BIRC6: variants seen among roughly 807,000 people sequenced by gnomAD.
BIRC6 encodes the protein dual E2 ubiquitin-conjugating enzyme/E3 ubiquitin-protein ligase BIRC6.
In BIRC6, 98 loss-of-function variants were observed where a neutral mutation model predicts 503.3. The observed-to-expected ratio is 0.19, with a 90% CI of 0.17 to 0.23. BIRC6 has a LOEUF of 0.23. BIRC6 is among the 10% of genes least tolerant of loss of function. The pLI is 1.00. For missense variants in BIRC6, 5,360 were observed against 5,806.0 expected, an observed-to-expected ratio of 0.92 and a Z score of 2.50; for synonymous variants, 2,240 against 2,078.7, an observed-to-expected ratio of 1.08 and a Z score of -2.11.
chr2:32,510,774 C>G (rs749979644), intron 53 of BIRC6, 140 bp downstream of exon 53: 1 of 582,424 alleles, frequency 1.7e-6, no homozygotes, highest in Non-Finnish European at 3.0e-6. Context: ...ATGCCTCACA[C>G]GATGTAACTT....
At chr2:32,589,388 A>C (rs1220296336) in intron 66 of BIRC6, among the ~76,000 whole-genome samples, 1 of 152,166 alleles carries the variant, frequency 6.6e-6, no homozygotes, top group Non-Finnish European at 1.5e-5. Flanking sequence ...ATACCTAAGC[A>C]ATGGGAGATC....
chr2:32,596,784 C>T (rs997933865), intron 68 of BIRC6, among the ~76,000 whole-genome samples: 7 of 152,164 alleles, frequency 4.6e-5, no homozygotes, highest in Non-Finnish European at 8.8e-5. Flanking sequence ...TACTTGAAGG[C>T]GTTTAGTCAT....
intron 52 of BIRC6, among the ~76,000 whole-genome samples, 182 bp downstream of exon 52, chr2:32,510,176 T>C (rs1252285636): frequency 6.6e-6 from 1 of 152,210 alleles, no homozygotes; most frequent in Non-Finnish European, 1.5e-5. Flanking sequence ...AGTGGCGCAA[T>C]CTTGGCTCAC....
At chr2:32,490,733 T>G (rs2051602048) in intron 43 of BIRC6, among the ~76,000 whole-genome samples, 1 of 152,230 alleles carries the variant, frequency 6.6e-6, no homozygotes, top group Non-Finnish European at 1.5e-5. Flanking sequence ...ACATTTCATC[T>G]AAGTTTTTAT....
At chr2:32,567,544 C>T (rs1362435844) in intron 65 of BIRC6, among the ~76,000 whole-genome samples, 4 of 152,162 alleles carry the variant, frequency 2.6e-5, no homozygotes, top group Non-Finnish European at 4.4e-5. Flanking sequence ...ATTTAGATAG[C>T]GTGTGGCCAG....
chr2:32,451,465 A>G (rs2046721980), intron 22 of BIRC6, among the ~76,000 whole-genome samples: 1 of 152,236 alleles, frequency 6.6e-6, no homozygotes, highest in Admixed American at 6.5e-5. Flanking sequence ...GTGAAAAAGC[A>G]TGGTGTTATT....
rs909350937 is a variant in BIRC6 at position 32,357,541 on chromosome 2, C to T, written c.325+55C>T. On this transcript the variant is annotated intron_variant, in intron 1 of 73. Coordinates refer to ENST00000421745, the MANE Select transcript of BIRC6 (RefSeq NM_016252.4). The surrounding 1 kb of genome is among the most constrained non-coding windows in gnomAD (Gnocchi z 4.9). ...AAGCCGGGGAAAGAAGCCGTCCAGC[C>T]CCGGGGCTCGGCCTCGCGACTCGGG... The T allele has an allele frequency of 2.0e-6, 3 of 1,513,716 alleles. No homozygotes were observed. Among genetic ancestry groups the T allele is most frequent in the African/African-American group, 2.9e-5 (2 of 69,180 alleles). 93.8% of individuals were successfully genotyped at this position (1,513,716 alleles called of 1,614,324 possible). A position where few individuals can be genotyped will look rare whatever the true frequency, so the allele number is the denominator to read the frequency against.
chr2:32,418,984 A>T (rs2042664384), intron 10 of BIRC6, among the ~76,000 whole-genome samples: 1 of 152,192 alleles, frequency 6.6e-6, no homozygotes, highest in African/African-American at 2.4e-5. Flanking sequence ...TTTAAAATAG[A>T]TGGTGGTTTT....
At chr2:32,364,966 A>G (rs1320929342) in intron 1 of BIRC6, among the ~76,000 whole-genome samples, 2 of 152,090 alleles carry the variant, frequency 1.3e-5, no homozygotes, top group African/African-American at 4.8e-5. Flanking sequence ...CGGCATTCCT[A>G]CTCTCAACTA....
chr2:32,379,068 C>G (rs2037241771), intron 2 of BIRC6: 1 of 152,124 alleles, frequency 6.6e-6, no homozygotes, highest in Non-Finnish European at 1.5e-5. Context: ...AGTATATTCA[C>G]TTAGATTTTA....
At chr2:32,532,080 A>G in intron 61 of BIRC6, 2 of 527,662 alleles carry the variant, frequency 3.8e-6, no homozygotes, top group Admixed American at 3.9e-5. Context: ...TTGTAAAAAC[A>G]AAACTTTGTG....
At chr2:32,492,106 T>C (rs2051799106) in intron 44 of BIRC6, among the ~76,000 whole-genome samples, 1 of 152,122 alleles carries the variant, frequency 6.6e-6, no homozygotes, top group African/African-American at 2.4e-5. Context: ...AAAGTAAAAA[T>C]ATATTTAGCA....
intron 51 of BIRC6, 145 bp downstream of exon 51, chr2:32,508,404 T>C: frequency 8.8e-7 from 1 of 1,137,778 alleles, no homozygotes; most frequent in Non-Finnish European, 1.2e-6. Context: ...AATACAATTT[T>C]ATTAGGTGTA....
intron 8 of BIRC6, 109 bp from the exon 9 acceptor site, chr2:32,406,390 C>T: frequency 4.1e-6 from 3 of 733,614 alleles, no homozygotes; most frequent in Non-Finnish European, 7.0e-6. Flanking sequence ...CAGACTGAGA[C>T]CCTGTCTCAA....
At chr2:32,539,559 A>T (rs2057498870) in intron 61 of BIRC6, among the ~76,000 whole-genome samples, 1 of 152,212 alleles carries the variant, frequency 6.6e-6, no homozygotes, top group Non-Finnish European at 1.5e-5. Context: ...TAACCTAAGC[A>T]GTATAGTTTT....
chr2:32,539,040 C>G (rs1466965503), intron 61 of BIRC6, among the ~76,000 whole-genome samples: 1 of 152,064 alleles, frequency 6.6e-6, no homozygotes, highest in Non-Finnish European at 1.5e-5. Context: ...AAGAGATGTG[C>G]TTGAAAGAAA....
In BIRC6 at chr2:32,553,197, CAAAAAAAAAAAAAAAAAAAAA is replaced by C. The variant is rs763552918; in HGVS notation, c.13144+3733_13144+3753del. On this transcript the variant is annotated intron_variant, in intron 65 of 73. Coordinates refer to ENST00000421745, the MANE Select transcript of BIRC6 (RefSeq NM_016252.4). ...GGGTGACAAGAGTGAAACTCTGTCT[CAAAAAAAAAAAAAAAAAAAAA>C]AAAAAAAAAAAAAAAAGATAAATTC... is the stretch of plus-strand genomic sequence containing the variant. 5.4e-4 allele frequency among the ~76,000 whole-genome samples: 19 copies of C among 34,950 alleles called. 1 individual carries two copies. Among genetic ancestry groups the C allele is most frequent in the Admixed American group, 2.1e-3 (4 of 1,904 alleles). 22.9% of individuals were successfully genotyped at this position (34,950 alleles called of 152,430 possible).
chr2:32,397,057 TAA>T (rs1208050217), intron 6 of BIRC6, among the ~76,000 whole-genome samples: 2 of 152,116 alleles, frequency 1.3e-5, no homozygotes, highest in Non-Finnish European at 2.9e-5. Flanking sequence ...CAATATACTG[TAA>T]TAAAAGTTCT....
intron 65 of BIRC6, among the ~76,000 whole-genome samples, chr2:32,571,378 CTTTT>C (rs61599835): frequency 4.9e-4 from 10 of 20,302 alleles, no homozygotes; most frequent in African/African-American, 1.3e-3. Flanking sequence ...TGGTCCTGGG[CTTTT>C]TTTTTTTTTT....
Sources: gnomAD v4.1 joint callset for allele counts (sites outside exome capture counted in the v4.1 genomes callset) on GRCh38, gnomAD v4.1.1 for gene constraint, Gnocchi (gnomAD v3.1) non-coding constraint, MANE v1.5 for transcripts, NCBI Gene and HGNC (gene_info 2026-07-23, HGNC 2026-07-21) for gene names.